Variants in SAMMSON observed in about 807,000 individuals in gnomAD.
SAMMSON encodes survival associated mitochondrial melanoma specific oncogenic non-coding RNA, also known as long intergenic non-protein coding RNA 1212.
chr3:70,299,566 C>T (rs537293165), intron 7 of SAMMSON, among the ~76,000 whole-genome samples: 2 of 152,270 alleles, frequency 1.3e-5, no homozygotes, highest in South Asian at 4.1e-4. Context: ...CAGTCCATGG[C>T]CAAGGCTCGT....
intron 4 of SAMMSON, among the ~76,000 whole-genome samples, chr3:70,158,251 C>G (rs2067600001): frequency 6.6e-6 from 1 of 152,064 alleles, no homozygotes; most frequent in East Asian, 1.9e-4. Flanking sequence ...AATCTATTTT[C>G]TGTATTTATA....
intron 4 of SAMMSON, among the ~76,000 whole-genome samples, chr3:70,246,111 C>T (rs1701706350): frequency 6.6e-6 from 1 of 151,744 alleles, no homozygotes; most frequent in Non-Finnish European, 1.5e-5. Context: ...AAAAAAACCC[C>T]ACAGATATAT....
chr3:70,058,618 C>A (rs2067176416), intron 3 of SAMMSON, among the ~76,000 whole-genome samples: 1 of 151,904 alleles, frequency 6.6e-6, no homozygotes, highest in Non-Finnish European at 1.5e-5. Flanking sequence ...CAATTGATAC[C>A]ATTCTCATTT....
At chr3:70,377,767 C>T (rs1299212263) in intron 9 of SAMMSON, among the ~76,000 whole-genome samples, 1 of 151,822 alleles carries the variant, frequency 6.6e-6, no homozygotes, top group Non-Finnish European at 1.5e-5. Context: ...TAAAAAATAC[C>T]TACAATTAGG....
chr3:70,109,427 A>G (rs2067379799), intron 4 of SAMMSON, among the ~76,000 whole-genome samples: 1 of 152,186 alleles, frequency 6.6e-6, no homozygotes, highest in African/African-American at 2.4e-5. Flanking sequence ...TGCATGCTAA[A>G]GTTGGCAAAT....
At chr3:70,410,127 T>C (rs1701206571) in intron 2 of SAMMSON, among the ~76,000 whole-genome samples, 1 of 152,216 alleles carries the variant, frequency 6.6e-6, no homozygotes. Flanking sequence ...CCCTAAACTA[T>C]TCTCCATCTG....
At chr3:70,029,831 A>T (rs1472511638) in intron 3 of SAMMSON, among the ~76,000 whole-genome samples, 1 of 151,586 alleles carries the variant, frequency 6.6e-6, no homozygotes, top group East Asian at 1.9e-4. Flanking sequence ...GTATAATTTT[A>T]ACTTCCAATA....
At chr3:70,205,067 A>G (rs1701277875) in intron 4 of SAMMSON, 1 of 152,138 alleles carries the variant, frequency 6.6e-6, no homozygotes, top group South Asian at 2.1e-4. Context: ...TCTGATAGCT[A>G]CAGGTCAAAG....
chr3:70,380,957 G>A (rs1275819239), intron 9 of SAMMSON, among the ~76,000 whole-genome samples: 2 of 152,104 alleles, frequency 1.3e-5, no homozygotes, highest in African/African-American at 2.4e-5. Flanking sequence ...TGGACATTTG[G>A]GTTGGTTCCA....
intron 3 of SAMMSON, among the ~76,000 whole-genome samples, chr3:70,052,777 G>A (rs1173947099): frequency 1.3e-5 from 2 of 152,094 alleles, no homozygotes; most frequent in East Asian, 3.9e-4. Context: ...TCCAGAAATT[G>A]CCAAATGTCA....
At chr3:70,189,649 G>A (rs909043468) in intron 4 of SAMMSON, among the ~76,000 whole-genome samples, 1 of 152,128 alleles carries the variant, frequency 6.6e-6, no homozygotes, top group African/African-American at 2.4e-5. Context: ...ACTTATTCTC[G>A]CCTACCTAGG....
intron 4 of SAMMSON, chr3:70,126,196 T>C: frequency 1.8e-6 from 2 of 1,109,004 alleles, no homozygotes; most frequent in Non-Finnish European, 2.6e-6. Flanking sequence ...AATTACATTT[T>C]CTACTGTTAA....
chr3:70,282,319 T>C (rs998518467), intron 6 of SAMMSON, among the ~76,000 whole-genome samples: 8 of 152,168 alleles, frequency 5.3e-5, no homozygotes, highest in African/African-American at 1.7e-4. Context: ...ATCCACCACA[T>C]GGAATCTGAT....
intron 4 of SAMMSON, among the ~76,000 whole-genome samples, chr3:70,240,391 T>C (rs911254003): frequency 3.9e-4 from 60 of 152,062 alleles, no homozygotes; most frequent in African/African-American, 1.4e-3. Flanking sequence ...AGCTATGTGG[T>C]TTTTTGTCTT....
intron 3 of SAMMSON, among the ~76,000 whole-genome samples, chr3:70,024,371 C>T (rs1335862802): frequency 6.6e-6 from 1 of 152,132 alleles, no homozygotes; most frequent in Admixed American, 6.5e-5. Context: ...CATATAATTT[C>T]TGATTGGAAT....
chr3:70,323,160 A>C (rs917066566), intron 7 of SAMMSON, among the ~76,000 whole-genome samples: 1 of 152,166 alleles, frequency 6.6e-6, no homozygotes, highest in Non-Finnish European at 1.5e-5. Context: ...TCTAAAATGC[A>C]CAGGACGTAA....
intron 2 of SAMMSON, among the ~76,000 whole-genome samples, chr3:70,409,547 A>T (rs989268779): frequency 1.3e-5 from 2 of 152,054 alleles, no homozygotes; most frequent in Non-Finnish European, 2.9e-5. Flanking sequence ...TTTTGGTTGC[A>T]ACACTGGCTC....
At chr3:70,150,720 A>G (rs2067567965) in intron 4 of SAMMSON, among the ~76,000 whole-genome samples, 1 of 152,104 alleles carries the variant, frequency 6.6e-6, no homozygotes, top group African/African-American at 2.4e-5. Context: ...AATAAACTAC[A>G]TGTAATACCA....
chr3:70,165,117 G>A (rs982132007), intron 4 of SAMMSON, among the ~76,000 whole-genome samples: 1 of 151,942 alleles, frequency 6.6e-6, no homozygotes, highest in Non-Finnish European at 1.5e-5. Flanking sequence ...TGGAGTAAGG[G>A]TTTGAGAATT....
Sources: allele counts gnomAD v4.1 joint callset (sites outside exome capture counted in the v4.1 genomes callset), GRCh38; gene constraint gnomAD v4.1.1; transcripts MANE v1.5; gene names NCBI Gene and HGNC (gene_info 2026-07-23, HGNC 2026-07-21).